The following IL34 variants were observed in gnomAD, a reference collection of about 807,000 sequenced individuals.
IL34 encodes the protein interleukin-34.
In IL34, 17 loss-of-function variants were observed where a neutral mutation model predicts 25.3. That is an observed-to-expected ratio of 0.67 (90% CI 0.46 to 1.01). The LOEUF is 1.01. Among genes scored for constraint, IL34 ranks in the 50% least tolerant of loss-of-function variants. IL34 has a pLI of 0.00. For missense variants in IL34, 368 were observed against 312.9 expected (o/e 1.18, Z -1.33); for synonymous variants, 174 against 140.9 (o/e 1.23, Z -1.66).
intron 1 of IL34, among the ~76,000 whole-genome samples, chr16:70,599,293 C>CTTTCCTTCTTCT (rs113794220): frequency 3.8e-5 from 5 of 132,702 alleles, no homozygotes; most frequent in African/African-American, 1.5e-4. Flanking sequence ...TTCTTTCTTT[C>CTTTCCTTCTTCT]TTCTTTCTTT....
intron 1 of IL34, among the ~76,000 whole-genome samples, chr16:70,638,738 C>G (rs118127946): frequency 0.033 from 5,091 of 152,162 alleles, 119 homozygotes; most frequent in South Asian, 0.078. Flanking sequence ...GCCACCACAT[C>G]TAGCTAATTA....
At chr16:70,586,622 C>T (rs745576191) in intron 1 of IL34, among the ~76,000 whole-genome samples, 1 of 152,160 alleles carries the variant, frequency 6.6e-6, no homozygotes, top group African/African-American at 2.4e-5. Context: ...GCTCTGCCAA[C>T]CCCTCCCGTG....
At chr16:70,585,929 G>T (rs1168951520) in intron 1 of IL34, among the ~76,000 whole-genome samples, 1 of 151,256 alleles carries the variant, frequency 6.6e-6, no homozygotes, top group Non-Finnish European at 1.5e-5. Flanking sequence ...CGCCTCCCAG[G>T]TTCACGCCAT....
intron 1 of IL34, among the ~76,000 whole-genome samples, chr16:70,630,170 C>T (rs34234103): frequency 1.5e-3 from 232 of 152,208 alleles, no homozygotes; most frequent in Middle Eastern, 0.01. Flanking sequence ...TTACAAATGA[C>T]AGGATCTCAT....
At chr16:70,653,386 AAC>A (rs1367512992) in intron 1 of IL34, among the ~76,000 whole-genome samples, 3 of 151,140 alleles carry the variant, frequency 2.0e-5, no homozygotes, top group Non-Finnish European at 2.9e-5. Flanking sequence ...CAAAACCACA[AAC>A]ACAAAAACTT....
chr16:70,639,173 G>C (rs902140764), intron 1 of IL34, among the ~76,000 whole-genome samples: 6 of 152,212 alleles, frequency 3.9e-5, no homozygotes, highest in African/African-American at 1.4e-4. Flanking sequence ...ATCACAGATA[G>C]GTGGCACCCA....
At chr16:70,608,059 T>C (rs1387684530) in intron 1 of IL34, among the ~76,000 whole-genome samples, 4 of 151,204 alleles carry the variant, frequency 2.6e-5, no homozygotes, top group Non-Finnish European at 4.4e-5. Context: ...TGAGCCACCT[T>C]GCCCGGCCGG....
chr16:70,655,287 G>A (rs534200558), intron 2 of IL34, among the ~76,000 whole-genome samples: 4 of 152,174 alleles, frequency 2.6e-5, no homozygotes, highest in African/African-American at 9.6e-5. Flanking sequence ...TCTTGACCTC[G>A]TGATCCGCCT....
Position 70,660,094 on chromosome 16 carries a change from G to A in IL34, c.636G>A (p.Leu212=), listed in dbSNP as rs769403976. 6.2e-7 allele frequency: 1 copy of A among 1,613,564 alleles called. No homozygotes were observed. Among genetic ancestry groups the A allele is most frequent in the Non-Finnish European group, 8.5e-7 (1 of 1,179,872 alleles). Residue 212 remains leucine (L), a synonymous_variant, in exon 6 of 6, where the codon CTG becomes CTA. Transcript: ENST00000288098. ...EPSLQYAATQ[L]YPPPPWSPSS... is the part of the protein sequence containing the mutation. ...CATTGCAGTATGCGGCCACCCAGCT[G>A]TACCCTCCGCCCCCGTGGTCCCCCA... is the stretch of plus-strand genomic sequence containing the variant.
rs557760413 is a variant in IL34, at chr16:70,651,995, C to T, written c.29-2543C>T. On this transcript the variant is annotated intron_variant, in intron 1 of 5. Transcript: ENST00000288098. Reference sequence around the variant, plus strand: ...AAAAAAATTTAGCTGGATGTGGTGGCGCACACCTTGTAATCCCAGCTACTC... The same window carrying T: ...AAAAAAATTTAGCTGGATGTGGTGGTGCACACCTTGTAATCCCAGCTACTC... 1.4e-4 allele frequency among the ~76,000 whole-genome samples: 22 copies of T among 151,736 alleles called. No homozygotes were observed. In the South Asian group the frequency reaches 1.7e-3, roughly 11 times the overall value.
chr16:70,655,180 G>A (rs1293665898), intron 2 of IL34, among the ~76,000 whole-genome samples: 1 of 151,322 alleles, frequency 6.6e-6, no homozygotes, highest in East Asian at 1.9e-4. Context: ...AGCCTCCCGA[G>A]TAGCTGGGAC....
chr16:70,627,824 G>A lies in IL34; in HGVS notation c.-400-18724G>A, dbSNP rs138645823. The stretch of plus-strand genomic sequence containing the variant: ...TGTTTTTTTAAAAAACTTTAAACAC[G>A]TGTATTCTTTTGTATCTGGTTTCTT... On this transcript the variant is annotated intron_variant, in intron 1 of 6. Transcript: ENST00000429149. Among the ~76,000 whole-genome samples the A allele has an allele frequency of 1.3e-4, 20 of 152,178 alleles. No homozygotes were observed. In the East Asian group the frequency reaches 1.3e-3, roughly 10 times the overall value.
chr16:70,654,315 G>T (rs1229890328), intron 1 of IL34: 2 of 431,620 alleles, frequency 4.6e-6, no homozygotes, highest in Non-Finnish European at 4.0e-6. Flanking sequence ...GGCCGGCATG[G>T]GGTGGGTGTG....
At chr16:70,644,082 C>T (rs539136218), upstream of IL34, among the ~76,000 whole-genome samples, 1 of 152,312 alleles carries the variant, frequency 6.6e-6, no homozygotes, top group African/African-American at 2.4e-5. Flanking sequence ...TCCAGTGATT[C>T]TGCTGCCTCA....
intron 1 of IL34, among the ~76,000 whole-genome samples, chr16:70,621,507 G>C (rs1219821920): frequency 1.3e-5 from 2 of 152,228 alleles, no homozygotes; most frequent in East Asian, 3.9e-4. Context: ...GTCGGTCTGA[G>C]GACCTGAGGT....
chr16:70,608,923 G>GT (rs1325995774), intron 1 of IL34, among the ~76,000 whole-genome samples: 1 of 152,138 alleles, frequency 6.6e-6, no homozygotes. Context: ...CTCAGACCTG[G>GT]TTCCAATTGT....
chr16:70,659,858 C>T lies in IL34; in HGVS notation c.538+105C>T, dbSNP rs532426038. ...CGTCCTCCCGGGCATATCCTCTGCTCCCCGGGGCTACAAGCCATTTCTGGA... is the reference window on the plus strand; with the variant it reads ...CGTCCTCCCGGGCATATCCTCTGCTTCCCGGGGCTACAAGCCATTTCTGGA... On this transcript the variant is annotated intron_variant, in intron 5 of 5. Coordinates refer to ENST00000288098, the MANE Select transcript of IL34 (RefSeq NM_001393494.1). 6.8e-5 allele frequency: 101 copies of T among 1,490,626 alleles called. No individual in the cohort carries two copies. The African/African-American group carries it at 1.2e-3, about 17-fold the overall frequency. 92.3% of individuals were successfully genotyped at this position (1,490,626 alleles called of 1,614,324 possible). A position where few individuals can be genotyped will look rare whatever the true frequency, so the allele number is the denominator to read the frequency against.
intron 1 of IL34, among the ~76,000 whole-genome samples, chr16:70,622,210 C>G (rs1182246551): frequency 2.0e-5 from 3 of 152,090 alleles, no homozygotes; most frequent in Non-Finnish European, 2.9e-5. Flanking sequence ...GTGGCCTTCT[C>G]AGACCCTGTA....
intron 1 of IL34, among the ~76,000 whole-genome samples, chr16:70,638,902 A>G (rs370249611): frequency 6.6e-6 from 1 of 152,184 alleles, no homozygotes; most frequent in South Asian, 2.1e-4. Flanking sequence ...TTTTTAAACA[A>G]ATAAACTGGT....
Sources: allele counts gnomAD v4.1 joint callset (sites outside exome capture counted in the v4.1 genomes callset), GRCh38; gene constraint gnomAD v4.1.1; transcripts MANE v1.5; gene names NCBI Gene and HGNC (gene_info 2026-07-23, HGNC 2026-07-21).